Variants in CSGALNACT1 observed in about 807,000 individuals in gnomAD.
The protein encoded by CSGALNACT1 is beta4GalNAcT-1.
CSGALNACT1 carries 52 observed loss-of-function variants against 51.0 expected under a neutral mutation model. The ratio of observed to expected loss-of-function variants is 1.02; its 90% CI spans 0.82 to 1.29. CSGALNACT1 has a LOEUF of 1.29. Ranked by LOEUF, CSGALNACT1 falls within the 50% of genes most tolerant of loss-of-function variation. The pLI, the probability that CSGALNACT1 is intolerant of heterozygous loss-of-function variation, is 0.00. For missense variants in CSGALNACT1, 935 were observed against 679.2 expected (o/e 1.38, Z -4.19); for synonymous variants, 341 against 254.4 (o/e 1.34, Z -3.24).
chr8:19,733,950 C>A (rs984738002), intron 1 of CSGALNACT1, among the ~76,000 whole-genome samples: 14 of 152,104 alleles, frequency 9.2e-5, no homozygotes, highest in Non-Finnish European at 1.5e-5. Context: ...ATAGAGGAGG[C>A]CAGAATGCAC....
At chr8:19,701,153 G>GGTTTTTTTTT (rs2061846125) in intron 1 of CSGALNACT1, among the ~76,000 whole-genome samples, 1 of 93,280 alleles carries the variant, frequency 1.1e-5, no homozygotes, top group African/African-American at 4.1e-5. Flanking sequence ...TCTATTATCC[G>GGTTTTTTTTT]TTTTTTTTTT....
At chr8:19,465,505 C>G (rs549741565) in intron 4 of CSGALNACT1, among the ~76,000 whole-genome samples, 1 of 152,202 alleles carries the variant, frequency 6.6e-6, no homozygotes, top group African/African-American at 2.4e-5. Context: ...GAATGCTATA[C>G]GTATTGACCA....
In CSGALNACT1 at chr8:19,666,883, A is replaced by AAGAAAGAAAGAGAG. The variant is rs1263613762; in HGVS notation, c.-544+15589_-544+15590insCTCTCTTTCTTTCT. Among the ~76,000 whole-genome samples, 8 of 97,298 alleles carry AAGAAAGAAAGAGAG rather than the reference A, an allele frequency of 8.2e-5. 1 individual carries two copies. The highest frequency in any genetic ancestry group is 1.3e-4 in the Non-Finnish European group (6 of 46,924). The allele number at this position is 97,298 out of a possible 152,430, so 63.8% of individuals were successfully genotyped here. A position where few individuals can be genotyped will look rare whatever the true frequency, so the allele number is the denominator to read the frequency against. Reference sequence around the variant, plus strand: ...AAAGAAAGAAAGAAAGAAAGAAAGAAAGAGAGAGAGGAAGTGAGGAAGGGA... The same window carrying AAGAAAGAAAGAGAG: ...AAAGAAAGAAAGAAAGAAAGAAAGAAAGAAAGAAAGAGAGAGAGAGAGAGGAAGTGAGGAAGGGA... On this transcript the variant is annotated intron_variant, in intron 1 of 9. Coordinates refer to the CSGALNACT1 transcript ENST00000332246.
intron 3 of CSGALNACT1, among the ~76,000 whole-genome samples, chr8:19,547,314 A>C (rs1240326409): frequency 6.6e-6 from 1 of 152,160 alleles, no homozygotes; most frequent in Non-Finnish European, 1.5e-5. Context: ...CTGGAATCAG[A>C]ATGCATTTCA....
chr8:19,424,966 C>T (rs942008841), intron 6 of CSGALNACT1, among the ~76,000 whole-genome samples: 3 of 152,118 alleles, frequency 2.0e-5, no homozygotes, highest in Admixed American at 6.5e-5. Context: ...CAGATGATTC[C>T]GATTGTGAAA....
chr8:19,632,931 CTTTT>C (rs747351529), intron 1 of CSGALNACT1, among the ~76,000 whole-genome samples: 6 of 138,288 alleles, frequency 4.3e-5, no homozygotes, highest in Admixed American at 1.4e-4. Flanking sequence ...ATTTTTTTTT[CTTTT>C]TTTTTTTTTT....
At chr8:19,493,984 T>A (rs547116744) in intron 4 of CSGALNACT1, among the ~76,000 whole-genome samples, 140 of 152,162 alleles carry the variant, frequency 9.2e-4, no homozygotes, top group African/African-American at 3.3e-3. Context: ...TTTCCAAACC[T>A]GCCTCCAATG....
At chr8:19,523,463 T>C (rs979172961) in intron 3 of CSGALNACT1, among the ~76,000 whole-genome samples, 2 of 151,818 alleles carry the variant, frequency 1.3e-5, no homozygotes, top group African/African-American at 4.8e-5. Flanking sequence ...GGAGACGTAG[T>C]CTTGCAATGT....
intron 1 of CSGALNACT1, among the ~76,000 whole-genome samples, chr8:19,633,150 G>T (rs758107001): frequency 1.3e-5 from 2 of 151,996 alleles, no homozygotes; most frequent in African/African-American, 2.4e-5. Flanking sequence ...TCCAGTGAGG[G>T]ACCTCTGGCA....
At position 19,569,221 on chromosome 8, in the gene CSGALNACT1, G is replaced by T. The variant is rs115686360; in HGVS notation, c.-297+21939C>A. ...CACAGTGCTAGAGGAAAACTGAAAA[G>T]ATGCTACAGACAAGCATAATGTGCT... On this transcript the variant is annotated intron_variant, in intron 3 of 9. Transcript: ENST00000454498. 6.4e-3 allele frequency among the ~76,000 whole-genome samples: 979 copies of T among 152,278 alleles called. 9 individuals are homozygous for T. Among genetic ancestry groups the T allele is most frequent in the African/African-American group, 0.023 (950 of 41,570 alleles).
intron 1 of CSGALNACT1, among the ~76,000 whole-genome samples, chr8:19,629,160 C>A (rs1336281566): frequency 6.6e-6 from 1 of 151,886 alleles, no homozygotes; most frequent in Non-Finnish European, 1.5e-5. Flanking sequence ...GAGAGCATGC[C>A]CAGAGGATAC....
chr8:19,483,415 C>A (rs1232761147), intron 4 of CSGALNACT1, among the ~76,000 whole-genome samples: 1 of 152,200 alleles, frequency 6.6e-6, no homozygotes, highest in Non-Finnish European at 1.5e-5. Context: ...AATGCTCCAG[C>A]CAAAATGGAT....
chr8:19,543,959 T>C (rs2085870082), intron 3 of CSGALNACT1, among the ~76,000 whole-genome samples: 2 of 152,234 alleles, frequency 1.3e-5, no homozygotes, highest in South Asian at 4.1e-4. Flanking sequence ...TATTAAATTC[T>C]TCCTGATCAG....
At chr8:19,421,606 C>G (rs1213093048) in intron 6 of CSGALNACT1, among the ~76,000 whole-genome samples, 2 of 152,192 alleles carry the variant, frequency 1.3e-5, no homozygotes, top group Non-Finnish European at 2.9e-5. Flanking sequence ...CTGTTTCTTT[C>G]CAAAAGGTAC....
intron 3 of CSGALNACT1, among the ~76,000 whole-genome samples, chr8:19,526,986 G>GT (rs1263484474): frequency 1.3e-5 from 2 of 152,122 alleles, no homozygotes; most frequent in African/African-American, 4.8e-5. Context: ...TTAGATATCC[G>GT]TATCTATATG....
chr8:19,748,988 C>A (rs922461256), intron 1 of CSGALNACT1, among the ~76,000 whole-genome samples: 1 of 151,744 alleles, frequency 6.6e-6, no homozygotes, highest in African/African-American at 2.4e-5. Context: ...CATTAAGGAA[C>A]TTGCCCAAGT....
intron 1 of CSGALNACT1, among the ~76,000 whole-genome samples, chr8:19,648,552 C>T (rs1589255258): frequency 6.6e-6 from 1 of 152,200 alleles, no homozygotes; most frequent in South Asian, 2.1e-4. Flanking sequence ...TGATACCTGT[C>T]ATCCCAGCAT....
chr8:19,423,896 C>G (rs1352412548), intron 6 of CSGALNACT1, among the ~76,000 whole-genome samples: 1 of 152,176 alleles, frequency 6.6e-6, no homozygotes, highest in African/African-American at 2.4e-5. Context: ...CACAGAAAGC[C>G]CTGGGAAGTG....
intron 3 of CSGALNACT1, among the ~76,000 whole-genome samples, chr8:19,554,390 G>A (rs1193878455): frequency 6.6e-6 from 1 of 152,116 alleles, no homozygotes; most frequent in Non-Finnish European, 1.5e-5. Flanking sequence ...GGTGAGAGGA[G>A]CTACAGGAAA....
Sources: gnomAD v4.1 joint callset for allele counts (sites outside exome capture counted in the v4.1 genomes callset) on GRCh38, gnomAD v4.1.1 for gene constraint, MANE v1.5 for transcripts, NCBI Gene and HGNC (gene_info 2026-07-23, HGNC 2026-07-21) for gene names.